Variants in EXOC6B observed in about 807,000 individuals in gnomAD.
EXOC6B encodes exocyst complex component 6B.
A neutral mutation model predicts 113.5 loss-of-function variants in EXOC6B; 54 were observed. That is an observed-to-expected ratio of 0.48 (90% CI 0.38 to 0.60). The LOEUF is 0.60. Ranked by LOEUF, EXOC6B falls within the 20% of genes least tolerant of loss-of-function variation. EXOC6B has a pLI of 0.00. For missense variants in EXOC6B, 797 were observed against 977.5 expected (o/e 0.82, Z 2.46); for synonymous variants, 357 against 339.0 (o/e 1.05, Z -0.58).
At chr2:72,468,342 A>G (rs754085724) in intron 17 of EXOC6B, among the ~76,000 whole-genome samples, 1 of 152,160 alleles carries the variant, frequency 6.6e-6, no homozygotes. Flanking sequence ...GAGATGAGGA[A>G]CAAATTTCAT....
At chr2:72,636,595 A>G (rs1262604527) in intron 6 of EXOC6B, among the ~76,000 whole-genome samples, 2 of 152,180 alleles carry the variant, frequency 1.3e-5, no homozygotes, top group Non-Finnish European at 2.9e-5. Context: ...CATATGATCA[A>G]ATCAATTGAT....
chr2:72,208,180 C>T (rs1379670216), intron 20 of EXOC6B, among the ~76,000 whole-genome samples: 1 of 152,026 alleles, frequency 6.6e-6, no homozygotes, highest in African/African-American at 2.4e-5. Context: ...CAGATCCCAT[C>T]ACCCAGGTAG....
Position 72,741,457 on chromosome 2 carries a change from A to C in EXOC6B, c.126T>G (p.Asp42Glu). 1 of 1,609,960 alleles carries C rather than the reference A, an allele frequency of 6.2e-7. No homozygotes were observed. Among genetic ancestry groups the C allele is most frequent in the Admixed American group, 1.7e-5 (1 of 58,754 alleles). Residue 42 changes from aspartate to glutamate, a missense_variant, in exon 2 of 22, where the codon GAT becomes GAG. By Grantham distance (45) the Asp-to-Glu change is conservative (BLOSUM62 2). Transcript: ENST00000272427. ...CCATGAAACGTCCATGTTCTTCACC[A>C]TCATAAACAGACCTTTAAAAAAAAA... Reference protein sequence around the residue: ...CIGPTLRSVYDGEEHGRFMEK... With the variant: ...CIGPTLRSVYEGEEHGRFMEK...
chr2:72,444,162 A>AG (rs1696418374), intron 18 of EXOC6B, among the ~76,000 whole-genome samples: 2 of 152,250 alleles, frequency 1.3e-5, no homozygotes, highest in Admixed American at 6.5e-5. Context: ...AAGGGGCTAC[A>AG]GGCCCCATGC....
intron 7 of EXOC6B, among the ~76,000 whole-genome samples, chr2:72,563,058 A>G (rs1423595312): frequency 1.3e-5 from 2 of 152,124 alleles, no homozygotes; most frequent in Non-Finnish European, 2.9e-5. Context: ...AGTAGGTAAG[A>G]TTTTACATTC....
intron 6 of EXOC6B, among the ~76,000 whole-genome samples, chr2:72,599,345 C>T (rs1283250042): frequency 6.6e-6 from 1 of 151,924 alleles, no homozygotes; most frequent in African/African-American, 2.4e-5. Flanking sequence ...TTGACAAAAA[C>T]CAACACCATT....
At chr2:72,671,947 G>C (rs987649483) in intron 6 of EXOC6B, among the ~76,000 whole-genome samples, 4 of 151,660 alleles carry the variant, frequency 2.6e-5, no homozygotes, top group South Asian at 2.1e-4. Flanking sequence ...AAAAGAAAAG[G>C]CTCAACATCA....
chr2:72,191,312 T>G (rs2104280150), intron 20 of EXOC6B, among the ~76,000 whole-genome samples: 1 of 152,362 alleles, frequency 6.6e-6, no homozygotes, highest in East Asian at 1.9e-4. Context: ...TTCCTTGTTT[T>G]TTTCAGAAAA....
chr2:72,310,626 T>C (rs541937862), intron 20 of EXOC6B, among the ~76,000 whole-genome samples: 1 of 151,874 alleles, frequency 6.6e-6, no homozygotes, highest in African/African-American at 2.4e-5. Flanking sequence ...ATAAAAAAGT[T>C]TTTAATAAAA....
At chr2:72,226,768 C>G (rs940419110) in intron 20 of EXOC6B, among the ~76,000 whole-genome samples, 1 of 152,184 alleles carries the variant, frequency 6.6e-6, no homozygotes, top group Non-Finnish European at 1.5e-5. Context: ...TAACTTCGCT[C>G]ATTAAGTCAG....
At chr2:72,816,130 C>G (rs1485682659) in intron 1 of EXOC6B, among the ~76,000 whole-genome samples, 4 of 152,114 alleles carry the variant, frequency 2.6e-5, no homozygotes, top group Non-Finnish European at 5.9e-5. Flanking sequence ...CTGCATTCCA[C>G]TCTGGGAGAC....
intron 20 of EXOC6B, among the ~76,000 whole-genome samples, chr2:72,306,343 C>CA (rs1686856144): frequency 6.6e-6 from 1 of 152,084 alleles, no homozygotes; most frequent in African/African-American, 2.4e-5. Flanking sequence ...GTTTTAACAT[C>CA]AAAAAATACA....
At chr2:72,566,753 A>T (rs1704200487) in intron 7 of EXOC6B, among the ~76,000 whole-genome samples, 1 of 152,112 alleles carries the variant, frequency 6.6e-6, no homozygotes, top group African/African-American at 2.4e-5. Flanking sequence ...CTTTTTAATA[A>T]GAAAACATTG....
intron 6 of EXOC6B, among the ~76,000 whole-genome samples, chr2:72,658,720 T>A (rs971856045): frequency 6.6e-6 from 1 of 152,064 alleles, no homozygotes; most frequent in African/African-American, 2.4e-5. Flanking sequence ...AGAGTTAGTA[T>A]TTTCATTTTT....
intron 16 of EXOC6B, among the ~76,000 whole-genome samples, chr2:72,481,975 C>T (rs1699124687): frequency 6.6e-6 from 1 of 152,146 alleles, no homozygotes; most frequent in East Asian, 1.9e-4. Flanking sequence ...GTTAAAGGGA[C>T]ATAATTATAA....
intron 20 of EXOC6B, among the ~76,000 whole-genome samples, chr2:72,219,102 A>G (rs1188088620): frequency 6.6e-6 from 1 of 152,220 alleles, no homozygotes; most frequent in Non-Finnish European, 1.5e-5. Flanking sequence ...CTGGCATTCC[A>G]TAGTGATAAT....
At chr2:72,717,431 A>G (rs1679690289) in intron 6 of EXOC6B, among the ~76,000 whole-genome samples, 1 of 152,156 alleles carries the variant, frequency 6.6e-6, no homozygotes, top group African/African-American at 2.4e-5. Flanking sequence ...TATACTAAAA[A>G]TTTTTAATAA....
At chr2:72,271,390 G>A (rs577680939) in intron 20 of EXOC6B, among the ~76,000 whole-genome samples, 3 of 152,100 alleles carry the variant, frequency 2.0e-5, no homozygotes, top group Non-Finnish European at 4.4e-5. Context: ...ATCTCTTGAG[G>A]AGGAGGCCTT....
rs147432110 is a variant in EXOC6B at position 72,599,889 on chromosome 2, CA to C, written c.670-24222del. On this transcript the variant is annotated intron_variant, in intron 6 of 21. Coordinates refer to ENST00000272427, the MANE Select transcript of EXOC6B (RefSeq NM_015189.3). The stretch of plus-strand genomic sequence containing the variant: ...ACTACAAAACTGTTATTAAAAAGAC[CA>C]AAAAAAAAACAGAAATAAATGAAGA... Among the ~76,000 whole-genome samples, 1,321 of 141,470 alleles carry C rather than the reference CA, an allele frequency of 9.3e-3. 12 individuals carry two copies. The highest frequency in any genetic ancestry group is 0.03 in the African/African-American group (1,169 of 38,620). 92.8% of individuals were successfully genotyped at this position (141,470 alleles called of 152,430 possible).
Sources: allele counts gnomAD v4.1 joint callset (sites outside exome capture counted in the v4.1 genomes callset), GRCh38; gene constraint gnomAD v4.1.1; transcripts MANE v1.5; gene names NCBI Gene and HGNC (gene_info 2026-07-23, HGNC 2026-07-21).